Variants in LRRFIP2 observed in about 807,000 individuals in gnomAD.
LRRFIP2 encodes leucine-rich repeat flightless-interacting protein 2.
Under a neutral mutation model 125.9 loss-of-function variants are expected in LRRFIP2, and 109 were observed. That is an observed-to-expected ratio of 0.87 (90% CI 0.74 to 1.01). The LOEUF (loss-of-function observed/expected upper bound fraction) is 1.01, where lower values mean the gene tolerates loss of function less well. LRRFIP2 is among the 50% of genes least tolerant of loss of function. The probability of loss-of-function intolerance (pLI) is 0.00; values close to 1 mark genes in which losing one functional copy is unlikely to be tolerated. For synonymous variants in LRRFIP2, 291 were observed against 293.1 expected, an observed-to-expected ratio of 0.99 and a Z score of 0.07; for missense variants, 850 against 862.3, an observed-to-expected ratio of 0.99 and a Z score of 0.18.
chr3:37,131,964 T>C (rs962632787), intron 2 of LRRFIP2, among the ~76,000 whole-genome samples: 4 of 152,186 alleles, frequency 2.6e-5, no homozygotes, highest in African/African-American at 4.8e-5. Context: ...GAAAAACCCC[T>C]GCAAAGTAAA....
At chr3:37,066,704 A>G in intron 21 of LRRFIP2, 1 of 171,884 alleles carries the variant, frequency 5.8e-6, no homozygotes, top group Non-Finnish European at 1.3e-5. Flanking sequence ...TGGTGAACAA[A>G]AAAAACCCCA....
intron 19 of LRRFIP2, 62 bp downstream of exon 19, chr3:37,083,574 T>A (rs1245653422): frequency 4.8e-6 from 6 of 1,249,230 alleles, no homozygotes; most frequent in African/African-American, 1.6e-5. Flanking sequence ...CAATCTTCCA[T>A]CACTTTGTAA....
chr3:37,149,097 T>C, intron 1 of LRRFIP2, 59 bp from the exon 2 acceptor site: 2 of 1,396,694 alleles, frequency 1.4e-6, no homozygotes, highest in Non-Finnish European at 1.9e-6. Flanking sequence ...TTCATGCTCA[T>C]TTATATATTC....
At chr3:37,115,525 A>G (rs1336494549) in intron 6 of LRRFIP2, among the ~76,000 whole-genome samples, 1 of 152,236 alleles carries the variant, frequency 6.6e-6, no homozygotes, top group Non-Finnish European at 1.5e-5. Flanking sequence ...ATGAACAGGC[A>G]ATGAGGCAAG....
intron 1 of LRRFIP2, among the ~76,000 whole-genome samples, chr3:37,163,518 G>A (rs151095642): frequency 6.6e-6 from 1 of 152,302 alleles, no homozygotes; most frequent in Non-Finnish European, 1.5e-5. Context: ...AGGCCCCAGT[G>A]GGTGGCAGAA....
At chr3:37,074,899 T>C in intron 20 of LRRFIP2, 125 bp downstream of exon 20, 1 of 614,866 alleles carries the variant, frequency 1.6e-6, no homozygotes, top group East Asian at 2.7e-5. Context: ...AAATTTGTAG[T>C]GTACAGTCAA....
chr3:37,148,805 AATGAGTAAACGTCT>A (rs1241631864), intron 2 of LRRFIP2, 75 bp downstream of exon 2: 1 of 1,403,686 alleles, frequency 7.1e-7, no homozygotes. Context: ...AAACTAGTTC[AATGAGTAAACGTCT>A]ATATCTCTGT....
At chr3:37,153,671 G>T (rs9839933) in intron 1 of LRRFIP2, among the ~76,000 whole-genome samples, 60,225 of 151,946 alleles carry the variant, frequency 0.4, 13,176 homozygotes, top group Non-Finnish European at 0.5. Context: ...TCTTAAAATT[G>T]CTTCCAAACA....
intron 1 of LRRFIP2, among the ~76,000 whole-genome samples, chr3:37,162,299 A>G (rs1047162487): frequency 4.6e-5 from 7 of 152,296 alleles, no homozygotes; most frequent in Non-Finnish European, 1.0e-4. Flanking sequence ...AGTTCACACC[A>G]AGGTATATCT....
Position 37,072,837 on chromosome 3 carries a change from CCT to C in LRRFIP2, c.1415_1416del (p.Glu472GlyfsTer3). On this transcript the variant is annotated frameshift_variant, in exon 21 of 28. Coordinates refer to ENST00000336686, the MANE Select transcript of LRRFIP2 (RefSeq NM_006309.4). LOFTEE classifies it high-confidence loss of function. ...AGAAGTGTCTCCTGGAGGTCAAACA[CCT>C]CTTTTGTCATGGTGTCTATTTTCTG... is the stretch of plus-strand genomic sequence containing the variant. ...MQQKIDTMTK[E>X]VFDLQETLLW... 1 of 1,613,256 alleles carries C rather than the reference CCT, an allele frequency of 6.2e-7. No homozygotes were observed. Among genetic ancestry groups the C allele is most frequent in the Non-Finnish European group, 8.5e-7 (1 of 1,179,640 alleles).
intron 1 of LRRFIP2, among the ~76,000 whole-genome samples, chr3:37,169,611 C>G (rs1051713901): frequency 2.0e-5 from 3 of 152,278 alleles, no homozygotes; most frequent in African/African-American, 7.2e-5. Flanking sequence ...CTCTAACTTA[C>G]AAAACAGAAA....
intron 14 of LRRFIP2, 91 bp from the exon 15 acceptor site, chr3:37,103,104 TA>T: frequency 2.2e-6 from 2 of 908,660 alleles, no homozygotes; most frequent in Non-Finnish European, 3.3e-6. Flanking sequence ...AAAAGTTTTT[TA>T]AAATTTTGAT....
chr3:37,103,473 C>G (rs1406332265), intron 14 of LRRFIP2, among the ~76,000 whole-genome samples: 1 of 152,114 alleles, frequency 6.6e-6, no homozygotes, highest in Non-Finnish European at 1.5e-5. Flanking sequence ...CACAGTTCCC[C>G]TTTTTTTATA....
At chr3:37,076,918 A>G (rs2092125871) in intron 19 of LRRFIP2, among the ~76,000 whole-genome samples, 1 of 152,176 alleles carries the variant, frequency 6.6e-6, no homozygotes, top group Non-Finnish European at 1.5e-5. Flanking sequence ...ACTGCATAGA[A>G]TAATAAGCTA....
chr3:37,097,571 A>AC (rs2093788525), intron 15 of LRRFIP2, among the ~76,000 whole-genome samples: 1 of 152,136 alleles, frequency 6.6e-6, no homozygotes, highest in African/African-American at 2.4e-5. Context: ...AATAAATCAT[A>AC]CCCCATCTAT....
intron 10 of LRRFIP2, 34 bp downstream of exon 10, chr3:37,109,619 T>C: frequency 6.2e-7 from 1 of 1,613,998 alleles, no homozygotes; most frequent in Non-Finnish European, 8.5e-7. Flanking sequence ...AACTGGTAGC[T>C]CTAAAGGCAG....
intron 2 of LRRFIP2, among the ~76,000 whole-genome samples, chr3:37,129,840 A>C (rs1031123065): frequency 1.3e-5 from 2 of 152,136 alleles, no homozygotes; most frequent in Non-Finnish European, 2.9e-5. Context: ...TAAAAATAAA[A>C]AAAATAGCCA....
At chr3:37,121,438 T>G in intron 6 of LRRFIP2, 54 bp downstream of exon 6, 2 of 1,516,744 alleles carry the variant, frequency 1.3e-6, no homozygotes, top group Admixed American at 3.4e-5. Context: ...GCAACATTAT[T>G]GAAGAAAGCT....
intron 1 of LRRFIP2, among the ~76,000 whole-genome samples, chr3:37,162,206 AATT>A (rs1292176889): frequency 6.6e-6 from 1 of 151,592 alleles, no homozygotes; most frequent in Non-Finnish European, 1.5e-5. Flanking sequence ...AACAAAAATA[AATT>A]ATTAATAAAA....
Sources: gnomAD v4.1 joint callset for allele counts (sites outside exome capture counted in the v4.1 genomes callset) on GRCh38, gnomAD v4.1.1 for gene constraint, MANE v1.5 for transcripts, NCBI Gene and HGNC (gene_info 2026-07-23, HGNC 2026-07-21) for gene names.